Variants in C12orf54 observed in about 807,000 individuals in gnomAD.
The protein encoded by C12orf54 is uncharacterized protein C12orf54.
A neutral mutation model predicts 26.4 loss-of-function variants in C12orf54; 24 were observed. The observed-to-expected ratio is 0.91, with a 90% CI of 0.66 to 1.28. The LOEUF (loss-of-function observed/expected upper bound fraction) is 1.28, where lower values mean the gene tolerates loss of function less well. C12orf54 is among the 50% of genes most tolerant of loss of function. The probability of loss-of-function intolerance (pLI) is 0.00; values close to 1 mark genes in which losing one functional copy is unlikely to be tolerated. For synonymous variants in C12orf54, 54 were observed against 47.0 expected (o/e 1.15, Z -0.61); for missense variants, 154 against 150.9 (o/e 1.02, Z -0.11).
At chr12:48,495,211 C>T (rs1273461084) in intron 8 of C12orf54, among the ~76,000 whole-genome samples, 3 of 152,078 alleles carry the variant, frequency 2.0e-5, no homozygotes, top group South Asian at 2.1e-4. Flanking sequence ...CAAGTATGGA[C>T]AGTTTTATAC....
intron 8 of C12orf54, among the ~76,000 whole-genome samples, chr12:48,495,799 A>G (rs1394955350): frequency 6.6e-6 from 1 of 152,152 alleles, no homozygotes; most frequent in Non-Finnish European, 1.5e-5. Flanking sequence ...TCCCCCACAA[A>G]TCATCAAAAT....
the C12orf54 span, among the ~76,000 whole-genome samples, chr12:48,425,352 T>C: frequency 0.052 from 7,946 of 152,182 alleles, 295 homozygotes; most frequent in Non-Finnish European, 0.08. Context: ...TCTGTGTTAG[T>C]TTGCTAAGGA....
the C12orf54 span, among the ~76,000 whole-genome samples, chr12:48,431,218 C>G: frequency 6.6e-6 from 1 of 152,046 alleles, no homozygotes. Flanking sequence ...GATGGGTACA[C>G]CAAAATCTCA....
At chr12:48,449,890 G>A in the C12orf54 span, among the ~76,000 whole-genome samples, 1 of 151,802 alleles carries the variant, frequency 6.6e-6, no homozygotes, top group Admixed American at 6.6e-5. Flanking sequence ...GAGGGACCCA[G>A]GGGGAGGTAA....
the C12orf54 span, among the ~76,000 whole-genome samples, chr12:48,475,143 G>A: frequency 1.3e-5 from 2 of 152,188 alleles, no homozygotes; most frequent in African/African-American, 2.4e-5. Flanking sequence ...ACAGGGTCTG[G>A]AGTGCACCTC....
At chr12:48,473,432 G>T in the C12orf54 span, 1 of 654,694 alleles carries the variant, frequency 1.5e-6, no homozygotes, top group Admixed American at 2.5e-5. Context: ...AATCTATTTT[G>T]AAAAATTCCT....
At chr12:48,431,113 TAAG>T in the C12orf54 span, among the ~76,000 whole-genome samples, 14 of 152,176 alleles carry the variant, frequency 9.2e-5, no homozygotes, top group South Asian at 2.1e-4. Context: ...TGCAAAGGCA[TAAG>T]AATGATACAA....
At chr12:48,492,531 T>G (rs902677345) in intron 6 of C12orf54, among the ~76,000 whole-genome samples, 8 of 152,238 alleles carry the variant, frequency 5.3e-5, no homozygotes, top group Admixed American at 2.0e-4. Context: ...CAGCTGCTGC[T>G]GCTTTTCCAC....
chr12:48,414,736 G>GC, the C12orf54 span, among the ~76,000 whole-genome samples: 1 of 152,152 alleles, frequency 6.6e-6, no homozygotes, highest in Non-Finnish European at 1.5e-5. Context: ...AGTGACCTGG[G>GC]CCCCTGGGAT....
the C12orf54 span, chr12:48,473,238 G>C: frequency 8.9e-7 from 1 of 1,122,172 alleles, no homozygotes; most frequent in Non-Finnish European, 1.3e-6. Flanking sequence ...TGAGGAGGAC[G>C]AGGATGAGGA....
chr12:48,417,745 C>T, the C12orf54 span, among the ~76,000 whole-genome samples: 1 of 152,176 alleles, frequency 6.6e-6, no homozygotes, highest in African/African-American at 2.4e-5. Flanking sequence ...CTCCCTCTCC[C>T]TCTAGTAGTC....
intron 4 of C12orf54, among the ~76,000 whole-genome samples, chr12:48,488,721 G>A (rs924893140): frequency 2.6e-5 from 4 of 152,146 alleles, no homozygotes; most frequent in Non-Finnish European, 4.4e-5. Context: ...TTACCATACA[G>A]AGAAATTGCA....
At chr12:48,484,182 C>T (rs528588513) in intron 2 of C12orf54, among the ~76,000 whole-genome samples, 8 of 152,060 alleles carry the variant, frequency 5.3e-5, no homozygotes, top group South Asian at 2.1e-4. Context: ...GCAATAAGAG[C>T]GAAACAAAGA....
At chr12:48,443,163 T>C in the C12orf54 span, among the ~76,000 whole-genome samples, 1 of 152,226 alleles carries the variant, frequency 6.6e-6, no homozygotes, top group Non-Finnish European at 1.5e-5. Context: ...ATTCTCTCTC[T>C]CTCTACTTTT....
the C12orf54 span, among the ~76,000 whole-genome samples, chr12:48,477,248 T>G: frequency 4.6e-5 from 7 of 152,136 alleles, no homozygotes; most frequent in Non-Finnish European, 8.8e-5. Flanking sequence ...TTCAAAGCAG[T>G]GTGTAGAGGG....
At chr12:48,465,918 A>G in the C12orf54 span, among the ~76,000 whole-genome samples, 2 of 152,152 alleles carry the variant, frequency 1.3e-5, no homozygotes, top group Admixed American at 6.5e-5. Flanking sequence ...GTTTCACACC[A>G]CTTCAAAAAT....
At chr12:48,454,096 G>GT in the C12orf54 span, among the ~76,000 whole-genome samples, 622 of 94,258 alleles carry the variant, frequency 6.6e-3, 7 homozygotes, top group Non-Finnish European at 7.0e-3. Context: ...TTTTTTGTTT[G>GT]TTTTTTTTTT....
chr12:48,480,470 A>G (rs566120619), upstream of C12orf54, among the ~76,000 whole-genome samples: 8 of 152,346 alleles, frequency 5.3e-5, no homozygotes, highest in African/African-American at 1.7e-4. Context: ...GCCAACAAAT[A>G]TATGAAAAAA....
At chr12:48,470,748 T>C in the C12orf54 span, among the ~76,000 whole-genome samples, 3,364 of 152,254 alleles carry the variant, frequency 0.022, 119 homozygotes, top group African/African-American at 0.074. Flanking sequence ...CCAAGGTTGA[T>C]GTCAACAAGG....
Sources: allele counts gnomAD v4.1 joint callset (sites outside exome capture counted in the v4.1 genomes callset), GRCh38; gene constraint gnomAD v4.1.1; transcripts MANE v1.5; gene names NCBI Gene and HGNC (gene_info 2026-07-23, HGNC 2026-07-21).